The following ADAMTS20 variants were observed in gnomAD, a reference collection of about 807,000 sequenced individuals.
ADAMTS20 encodes the protein ADAM metallopeptidase with thrombospondin type 1 motif 20.
A neutral mutation model predicts 260.1 loss-of-function variants in ADAMTS20; 225 were observed. That is an observed-to-expected ratio of 0.87 (90% confidence interval 0.78 to 0.97). The LOEUF (loss-of-function observed/expected upper bound fraction) is 0.97. ADAMTS20 is among the 50% of genes least tolerant of loss of function. The pLI, the probability that ADAMTS20 is intolerant of heterozygous loss-of-function variation, is 0.00. For synonymous variants in ADAMTS20, 802 were observed against 769.5 expected (o/e 1.04, Z -0.70); for missense variants, 2,400 against 2,337.7 (o/e 1.03, Z -0.55).
chr12:43,392,469 T>C (rs1192419652), intron 29 of ADAMTS20, among the ~76,000 whole-genome samples: 1 of 152,108 alleles, frequency 6.6e-6, no homozygotes, highest in East Asian at 1.9e-4. Flanking sequence ...AGCTACTATA[T>C]TTTCGATATG....
intron 27 of ADAMTS20, among the ~76,000 whole-genome samples, chr12:43,426,488 AT>A (rs1477688157): frequency 6.6e-6 from 1 of 152,196 alleles, no homozygotes; most frequent in African/African-American, 2.4e-5. Context: ...TAAGTCATTC[AT>A]TTTATTTATC....
In ADAMTS20 at chr12:43,552,124, C is replaced by T. The variant is rs1943527363; in HGVS notation, c.-203G>A. Among the ~76,000 whole-genome samples the T allele has an allele frequency of 6.6e-6, 1 of 152,246 alleles. No individual in the cohort carries two copies. Among genetic ancestry groups the T allele is most frequent in the African/African-American group, 2.4e-5 (1 of 41,472 alleles). The stretch of plus-strand genomic sequence containing the variant: ...CGCTCGCTGAGCCGCTGCTTCATCG[C>T]ACTGCAGCCTCACCCCCCTTCCTGC... On this transcript the variant is annotated 5_prime_UTR_variant, in exon 1 of 39. Coordinates refer to ENST00000389420, the MANE Select transcript of ADAMTS20 (RefSeq NM_025003.5).
At chr12:43,501,268 T>G (rs917658881) in intron 4 of ADAMTS20, among the ~76,000 whole-genome samples, 5 of 151,666 alleles carry the variant, frequency 3.3e-5, no homozygotes, top group Non-Finnish European at 7.4e-5. Flanking sequence ...CTATGTTGGC[T>G]AGGCTGGTCT....
chr12:43,548,655 T>A (rs937785494), intron 2 of ADAMTS20, among the ~76,000 whole-genome samples: 4 of 152,078 alleles, frequency 2.6e-5, no homozygotes, highest in Admixed American at 6.5e-5. Flanking sequence ...AAAAGCAAAA[T>A]TTTTAAAAAG....
intron 5 of ADAMTS20, 36 bp downstream of exon 5, chr12:43,493,134 A>G (rs1044282124): frequency 2.2e-6 from 3 of 1,392,900 alleles, no homozygotes; most frequent in Admixed American, 2.1e-5. Flanking sequence ...AAAACTTACT[A>G]CAACTAAGGT....
Position 43,552,162 on chromosome 12 carries a change from CTCAGA to C in ADAMTS20, c.-246_-242del, listed in dbSNP as rs1943527962. Among the ~76,000 whole-genome samples the C allele has an allele frequency of 6.6e-6, 1 of 152,254 alleles. No individual in the cohort carries two copies. Among genetic ancestry groups the C allele is most frequent in the Non-Finnish European group, 1.5e-5 (1 of 68,050 alleles). On this transcript the variant is annotated 5_prime_UTR_variant, in exon 1 of 39. Coordinates refer to ENST00000389420, the MANE Select transcript of ADAMTS20 (RefSeq NM_025003.5). Reference sequence around the variant, plus strand: ...CCCCCCTTCCTGCGCCCGCGCTGCCCTCAGAAACTCTCTGCTCAGGTTCAGCTCGG... The same window carrying C: ...CCCCCCTTCCTGCGCCCGCGCTGCCCAACTCTCTGCTCAGGTTCAGCTCGG...
At chr12:43,532,306 T>C in intron 2 of ADAMTS20, 111 bp from the exon 3 acceptor site, 1 of 923,794 alleles carries the variant, frequency 1.1e-6, no homozygotes, top group South Asian at 1.8e-5. Flanking sequence ...AAGGAGTCTG[T>C]TCACTAAGAG....
At chr12:43,419,739 AACAC>A (rs147586045) in intron 28 of ADAMTS20, among the ~76,000 whole-genome samples, 4 of 148,810 alleles carry the variant, frequency 2.7e-5, no homozygotes, top group African/African-American at 7.4e-5. Context: ...CACACACACA[AACAC>A]ACACACACAC....
chr12:43,464,334 C>T (rs184922322), intron 10 of ADAMTS20, among the ~76,000 whole-genome samples: 2 of 152,020 alleles, frequency 1.3e-5, no homozygotes, highest in East Asian at 1.9e-4. Context: ...TATAACTTCC[C>T]TATTTTCTAA....
At chr12:43,431,229 C>A in intron 22 of ADAMTS20, 103 bp downstream of exon 22, 1 of 1,255,102 alleles carries the variant, frequency 8.0e-7, no homozygotes, top group African/African-American at 1.5e-5. Context: ...ATAAACCAAG[C>A]CAAATTCCAT....
chr12:43,523,914 G>C (rs191156708), intron 3 of ADAMTS20, among the ~76,000 whole-genome samples: 1 of 151,554 alleles, frequency 6.6e-6, no homozygotes, highest in Non-Finnish European at 1.5e-5. Flanking sequence ...AGACACTTTG[G>C]GGGAGCTTTA....
At chr12:43,391,858 TAA>T (rs983322216) in intron 29 of ADAMTS20, among the ~76,000 whole-genome samples, 5 of 152,330 alleles carry the variant, frequency 3.3e-5, no homozygotes, top group African/African-American at 1.2e-4. Context: ...ATTCCTCTCA[TAA>T]ACTGTGTCAA....
chr12:43,391,239 T>C (rs1940590148), intron 29 of ADAMTS20, among the ~76,000 whole-genome samples: 1 of 152,228 alleles, frequency 6.6e-6, no homozygotes, highest in East Asian at 1.9e-4. Context: ...TCTACCCTCA[T>C]GATTTAGTCA....
chr12:43,375,470 C>G lies in ADAMTS20; in HGVS notation c.5355G>C (p.Arg1785Ser), dbSNP rs1001641313. The G allele has an allele frequency of 6.2e-7, 1 of 1,613,166 alleles. No homozygotes were observed. The highest frequency in any genetic ancestry group is 1.7e-5 in the Admixed American group (1 of 59,982). The change falls in exon 36 of 39, where the codon AGG becomes AGC. Residue 1785 changes from arginine to serine, a missense_variant. Coordinates refer to ENST00000389420, the MANE Select transcript of ADAMTS20 (RefSeq NM_025003.5). ...GTCCATTGTCACATTCACAGTCTTCCCTTCTACTCCCATTAAAAGGACATT... is the reference window on the plus strand; with the variant it reads ...GTCCATTGTCACATTCACAGTCTTCGCTTCTACTCCCATTAAAAGGACATT... ...PYQCPFNGSR[R>S]EDCECDNGHL...
intron 35 of ADAMTS20, 123 bp downstream of exon 35, chr12:43,375,934 C>G: frequency 2.8e-6 from 2 of 724,224 alleles, no homozygotes; most frequent in South Asian, 4.0e-5. Context: ...CCTAACATGT[C>G]TACCTGCTCC....
chr12:43,375,554 G>A (rs775334220), intron 35 of ADAMTS20, 42 bp from the exon 36 acceptor site: 11 of 1,604,946 alleles, frequency 6.9e-6, no homozygotes, highest in African/African-American at 1.3e-5. Context: ...ATGCAGTTAC[G>A]AGGCCATAAT....
chr12:43,468,701 T>C lies in ADAMTS20; in HGVS notation c.1122A>G (p.Leu374=), dbSNP rs1444658795. The C allele has an allele frequency of 2.6e-6, 4 of 1,547,368 alleles. No homozygotes were observed. Among genetic ancestry groups the C allele is most frequent in the African/African-American group, 1.4e-5 (1 of 72,346 alleles). Residue 374 remains leucine, a synonymous_variant, in exon 8 of 39, where the codon TTA becomes TTG. Transcript: ENST00000389420. Reference sequence around the variant, plus strand: ...GATCACATATGGTACCTAAATATGATAAACCTGAAAAATTTCACATTTGTA... The same window carrying C: ...GATCACATATGGTACCTAAATATGACAAACCTGAAAAATTTCACATTTGTA... The part of the protein sequence containing the change: ...SSKEKCNMLG[L]SYLGTICDPL...
At chr12:43,409,757 A>C (rs1236361323) in intron 28 of ADAMTS20, among the ~76,000 whole-genome samples, 1 of 152,146 alleles carries the variant, frequency 6.6e-6, no homozygotes, top group Admixed American at 6.5e-5. Flanking sequence ...CTTTTTAATG[A>C]AAGAGCCTAC....
At chr12:43,435,330 C>T (rs985075152) in intron 18 of ADAMTS20, among the ~76,000 whole-genome samples, 2 of 151,924 alleles carry the variant, frequency 1.3e-5, no homozygotes, top group African/African-American at 2.4e-5. Context: ...TTTCAGTAAA[C>T]CTAAAACTTC....
Sources: gnomAD v4.1 joint callset for allele counts (sites outside exome capture counted in the v4.1 genomes callset) on GRCh38, gnomAD v4.1.1 for gene constraint, MANE v1.5 for transcripts, NCBI Gene and HGNC (gene_info 2026-07-23, HGNC 2026-07-21) for gene names.